DRC12: variants seen among roughly 807,000 people sequenced by gnomAD.
DRC12 encodes dynein regulatory complex protein 12.
chr11:119,191,705 G>A, the DRC12 span, among the ~76,000 whole-genome samples: 4 of 151,884 alleles, frequency 2.6e-5, no homozygotes, highest in African/African-American at 9.7e-5. Context: ...CTACTCGGGA[G>A]ACTGAGGCAG....
chr11:119,193,755 C>T, the DRC12 span: 366 of 1,551,416 alleles, frequency 2.4e-4, 1 homozygote, highest in East Asian at 8.3e-4. Context: ...CCTGCTTAAC[C>T]GACCACACAC....
At chr11:119,193,342 G>T in the DRC12 span, 1 of 1,050,542 alleles carries the variant, frequency 9.5e-7, no homozygotes, top group Non-Finnish European at 1.5e-6. Context: ...ACTTGGTCTA[G>T]TGGAACAGGA....
At chr11:119,195,170 A>G in the DRC12 span, 6 of 632,880 alleles carry the variant, frequency 9.5e-6, no homozygotes, top group East Asian at 2.7e-5. Context: ...CGACCAGCAC[A>G]TAACAGATAT....
At chr11:119,191,676 C>T in the DRC12 span, among the ~76,000 whole-genome samples, 3 of 151,652 alleles carry the variant, frequency 2.0e-5, no homozygotes, top group African/African-American at 7.3e-5. Flanking sequence ...GGCATGGTGG[C>T]GCACACCTGT....
At chr11:119,195,037 G>A in the DRC12 span, 2 of 1,490,542 alleles carry the variant, frequency 1.3e-6, no homozygotes, top group African/African-American at 1.4e-5. Context: ...CATGATCTCA[G>A]CATTCCTCAC....
At chr11:119,195,342 G>T in the DRC12 span, 1 of 1,296,320 alleles carries the variant, frequency 7.7e-7, no homozygotes, top group Non-Finnish European at 1.1e-6. Flanking sequence ...GCAGAAGGCT[G>T]AATTCTCTCT....
chr11:119,194,542 A>ATAAAT, the DRC12 span, among the ~76,000 whole-genome samples: 6 of 48,204 alleles, frequency 1.2e-4, no homozygotes, highest in Non-Finnish European at 1.5e-4. Flanking sequence ...AAAAAAAAAA[A>ATAAAT]AAATAAATAA....
chr11:119,193,592 T>A, the DRC12 span: 2 of 1,436,256 alleles, frequency 1.4e-6, no homozygotes, highest in South Asian at 3.0e-5. Flanking sequence ...CCCAGGAACC[T>A]ACCTGCCTTT....
chr11:119,192,738 C>T, the DRC12 span, among the ~76,000 whole-genome samples: 1 of 152,108 alleles, frequency 6.6e-6, no homozygotes, highest in African/African-American at 2.4e-5. Flanking sequence ...CCTCTGCCTC[C>T]TGGGTTCAAG....
At chr11:119,190,583 G>C in the DRC12 span, 1 of 1,550,138 alleles carries the variant, frequency 6.5e-7, no homozygotes, top group Middle Eastern at 1.7e-4. This position sits in a 1 kb window ranked among gnomAD's most constrained non-coding sequence, Gnocchi z 4.2. Flanking sequence ...TCAGGATAGA[G>C]CAGGGCTCCC....
the DRC12 span, among the ~76,000 whole-genome samples, chr11:119,194,154 G>A: frequency 6.6e-6 from 1 of 152,244 alleles, no homozygotes; most frequent in Non-Finnish European, 1.5e-5. Flanking sequence ...GGAGGCTTAG[G>A]TGGGAGAATT....
the DRC12 span, among the ~76,000 whole-genome samples, chr11:119,191,290 G>A: frequency 2.6e-5 from 4 of 151,688 alleles, no homozygotes; most frequent in African/African-American, 9.7e-5. Context: ...AGTAGAGATG[G>A]GGTTTCACCA....
chr11:119,192,322 G>C, the DRC12 span, among the ~76,000 whole-genome samples: 2 of 152,152 alleles, frequency 1.3e-5, no homozygotes, highest in African/African-American at 4.8e-5. Context: ...AATTGTGAAA[G>C]AGCTCATGTG....
chr11:119,194,603 A>T, the DRC12 span, among the ~76,000 whole-genome samples: 3 of 149,836 alleles, frequency 2.0e-5, no homozygotes, highest in African/African-American at 7.4e-5. Flanking sequence ...GCTACTCGGG[A>T]GGCTGAGGCG....
At chr11:119,190,944 A>G in the DRC12 span, 2 of 1,375,962 alleles carry the variant, frequency 1.5e-6, no homozygotes, top group Admixed American at 4.4e-5. This position sits in a 1 kb window ranked among gnomAD's most constrained non-coding sequence, Gnocchi z 4.2. Flanking sequence ...CTCGTTCCAG[A>G]CTCCCCCAGC....
chr11:119,193,582 C>T, the DRC12 span: 1 of 1,434,760 alleles, frequency 7.0e-7, no homozygotes, highest in Non-Finnish European at 9.1e-7. Flanking sequence ...TGCCTGGGAT[C>T]CCAGGAACCT....
At chr11:119,190,850 G>A in the DRC12 span, 2 of 1,609,450 alleles carry the variant, frequency 1.2e-6, no homozygotes, top group Non-Finnish European at 1.7e-6. The surrounding 1 kb of genome is among the most constrained non-coding windows in gnomAD (Gnocchi z 4.2). Context: ...TCTGGGGGCA[G>A]GCAGGATGAA....
the DRC12 span, chr11:119,193,445 C>T: frequency 1.1e-6 from 1 of 938,200 alleles, no homozygotes; most frequent in Non-Finnish European, 1.6e-6. Context: ...CTACCTCCCC[C>T]AGTCCAGCTT....
At chr11:119,193,102 C>G in the DRC12 span, 20 of 1,513,530 alleles carry the variant, frequency 1.3e-5, no homozygotes, top group African/African-American at 2.6e-4. Context: ...CATGCTGGCC[C>G]TTGCTGCAAC....
Sources: allele counts gnomAD v4.1 joint callset (sites outside exome capture counted in the v4.1 genomes callset), GRCh38; gene constraint gnomAD v4.1.1; non-coding constraint Gnocchi (gnomAD v3.1); transcripts MANE v1.5; gene names NCBI Gene and HGNC (gene_info 2026-07-23, HGNC 2026-07-21).